The following ADGRB3 variants were observed in gnomAD, a reference collection of about 807,000 sequenced individuals.
ADGRB3 encodes adhesion G protein-coupled receptor B3.
Under a neutral mutation model 193.4 loss-of-function variants are expected in ADGRB3, and 37 were observed. The observed-to-expected ratio is 0.19, with a 90% CI of 0.15 to 0.25. The LOEUF is 0.25. Among genes scored for constraint, ADGRB3 ranks in the 10% least tolerant of loss-of-function variants. ADGRB3 has a pLI of 1.00. For missense variants in ADGRB3, 1,637 were observed against 1,852.9 expected, an observed-to-expected ratio of 0.88 and a Z score of 2.14; for synonymous variants, 690 against 644.2, an observed-to-expected ratio of 1.07 and a Z score of -1.08.
At chr6:69,067,277 G>A (rs1179251950) in intron 16 of ADGRB3, among the ~76,000 whole-genome samples, 3 of 152,074 alleles carry the variant, frequency 2.0e-5, no homozygotes, top group African/African-American at 7.2e-5. Flanking sequence ...GAAAATTTGG[G>A]CTTGTAGGTT....
At chr6:69,344,926 G>T (rs1261773173) in intron 26 of ADGRB3, among the ~76,000 whole-genome samples, 1 of 152,024 alleles carries the variant, frequency 6.6e-6, no homozygotes, top group Non-Finnish European at 1.5e-5. Flanking sequence ...CAGAGAGTTT[G>T]ATTCTTCTCT....
intron 17 of ADGRB3, among the ~76,000 whole-genome samples, chr6:69,182,864 A>C (rs912477088): frequency 2.6e-5 from 4 of 152,022 alleles, no homozygotes; most frequent in African/African-American, 9.7e-5. Flanking sequence ...AACTGGGGAG[A>C]GATATATGCA....
chr6:69,244,501 G>A (rs1025369109), intron 20 of ADGRB3, among the ~76,000 whole-genome samples: 5 of 152,022 alleles, frequency 3.3e-5, no homozygotes, highest in African/African-American at 7.2e-5. Context: ...GTACATGCCT[G>A]ACCTCTAAAT....
At chr6:68,779,781 A>G (rs1284761262) in intron 3 of ADGRB3, among the ~76,000 whole-genome samples, 2 of 152,094 alleles carry the variant, frequency 1.3e-5, no homozygotes, top group South Asian at 2.1e-4. Flanking sequence ...GCTCCTGACA[A>G]TGTTTTACAT....
chr6:68,813,174 G>A (rs118114184), intron 3 of ADGRB3, among the ~76,000 whole-genome samples: 3,008 of 152,098 alleles, frequency 0.02, 36 homozygotes, highest in Middle Eastern at 0.048. Flanking sequence ...GTTTATCAGC[G>A]GTTTCCACTT....
intron 3 of ADGRB3, among the ~76,000 whole-genome samples, chr6:68,795,383 G>T (rs149028805): frequency 3.3e-5 from 5 of 152,060 alleles, no homozygotes; most frequent in Non-Finnish European, 5.9e-5. Context: ...TTATAGAAAA[G>T]CACAGAAATC....
intron 8 of ADGRB3, among the ~76,000 whole-genome samples, chr6:68,974,224 C>A (rs1015537855): frequency 2.0e-5 from 3 of 151,976 alleles, no homozygotes; most frequent in African/African-American, 7.3e-5. Context: ...ATCCAAATGA[C>A]CTCTATAAAT....
At chr6:68,639,570 T>A in intron 3 of ADGRB3, 138 bp downstream of exon 3, 1 of 1,221,342 alleles carries the variant, frequency 8.2e-7, no homozygotes, top group South Asian at 1.7e-5. Flanking sequence ...TGCTATTCAC[T>A]GATAAAGGTC....
rs1413216206 is a variant in ADGRB3, at chr6:68,964,181, T to G, written c.1525+7372T>G. ...TTGTAGTTATAAATTGTGGTATGAT[T>G]CATCTTTCTTTGGAAATAAGTAATT... On this transcript the variant is annotated intron_variant, in intron 8 of 31. Transcript: ENST00000370598. 2.0e-5 allele frequency among the ~76,000 whole-genome samples: 3 copies of G among 152,194 alleles called. No individual in the cohort carries two copies. The South Asian group carries it at 6.2e-4, about 31-fold the overall frequency.
At position 68,975,317 on chromosome 6, in the gene ADGRB3, G is replaced by A. The variant is rs1220441226; in HGVS notation, c.1711G>A (p.Glu571Lys). 3.7e-6 allele frequency: 6 copies of A among 1,613,702 alleles called. No individual in the cohort carries two copies. The South Asian group carries it at 4.4e-5, about 12-fold the overall frequency. The change falls in exon 10 of 32, where the codon GAG becomes AAG. Residue 571 changes from glutamate to lysine, a missense_variant. This residue lies in a region of ADGRB3 where 641 missense variants were observed against 673.9 expected (regional missense o/e 0.95). Transcript: ENST00000370598. ...QPSFARCISN[E>K]YRHLQHSIKE... ...GAGCTTTGCAAGATGCATATCAAAT[G>A]AGTACAGACACTTGCAGCATTCAGT...
At chr6:69,192,390 C>T (rs1765209213) in intron 17 of ADGRB3, among the ~76,000 whole-genome samples, 1 of 152,212 alleles carries the variant, frequency 6.6e-6, no homozygotes, top group Non-Finnish European at 1.5e-5. Context: ...TCTGGCCACA[C>T]TGGCAGCTGA....
intron 20 of ADGRB3, among the ~76,000 whole-genome samples, chr6:69,252,942 A>G (rs1398896156): frequency 1.3e-5 from 2 of 151,968 alleles, no homozygotes; most frequent in Non-Finnish European, 2.9e-5. Flanking sequence ...ATGTAGATCT[A>G]TGTCTCGAAC....
At position 68,920,512 on chromosome 6, in the gene ADGRB3, C is replaced by CA. The variant is rs5877180; in HGVS notation, c.758-10022dup. On this transcript the variant is annotated intron_variant, in intron 3 of 31. Transcript: ENST00000370598. ...AGCCTCGGCGACAGAGACTCTGTAT[C>CA]AAAAAAAAAAAAAAAAAAAAAAAAA... Among the ~76,000 whole-genome samples, 272 of 68,862 alleles carry CA rather than the reference C, an allele frequency of 3.9e-3. 5 individuals are homozygous for CA. The highest frequency in any genetic ancestry group is 0.014 in the East Asian group (29 of 2,036). The allele number at this position is 68,862 out of a possible 152,430, so 45.2% of individuals were successfully genotyped here. A position where few individuals can be genotyped will look rare whatever the true frequency, so the allele number is the denominator to read the frequency against.
rs533822987 is a variant in ADGRB3, at chr6:69,251,030, A to G, written c.2814+11804A>G. Reference sequence around the variant, plus strand: ...TATATTTCTGTCACACTGGCCACCCATTAGAAATGTTGTAGGGGTCAATAA... The same window carrying G: ...TATATTTCTGTCACACTGGCCACCCGTTAGAAATGTTGTAGGGGTCAATAA... On this transcript the variant is annotated intron_variant, in intron 20 of 31. Coordinates refer to ENST00000370598, the MANE Select transcript of ADGRB3 (RefSeq NM_001704.3). 2.0e-5 allele frequency among the ~76,000 whole-genome samples: 3 copies of G among 152,262 alleles called. No homozygotes were observed. In the East Asian group the frequency reaches 5.8e-4, roughly 29 times the overall value.
chr6:68,911,547 A>G (rs538593272), intron 3 of ADGRB3, among the ~76,000 whole-genome samples: 3 of 152,310 alleles, frequency 2.0e-5, no homozygotes, highest in East Asian at 3.9e-4. Context: ...CCCTCTGTCT[A>G]TATAGGAGGC....
intron 3 of ADGRB3, among the ~76,000 whole-genome samples, chr6:68,829,377 C>T (rs1000110200): frequency 1.3e-5 from 2 of 152,028 alleles, no homozygotes; most frequent in South Asian, 2.1e-4. Context: ...GTTGGGAATA[C>T]AAGCATGAGC....
chr6:69,246,721 G>A (rs1447097806), intron 20 of ADGRB3, among the ~76,000 whole-genome samples: 1 of 152,196 alleles, frequency 6.6e-6, no homozygotes, highest in Non-Finnish European at 1.5e-5. Context: ...CTTGACAATA[G>A]GATTACTGAA....
intron 17 of ADGRB3, among the ~76,000 whole-genome samples, chr6:69,130,473 C>T (rs749197985): frequency 1.3e-5 from 2 of 150,732 alleles, no homozygotes; most frequent in Non-Finnish European, 3.0e-5. Flanking sequence ...CACTAGTATT[C>T]TTCCAAGAAA....
At chr6:69,174,403 A>G (rs1775368949) in intron 17 of ADGRB3, among the ~76,000 whole-genome samples, 1 of 152,206 alleles carries the variant, frequency 6.6e-6, no homozygotes, top group South Asian at 2.1e-4. Context: ...GCCTTCAGCT[A>G]CATTCACGTT....
Sources: gnomAD v4.1 joint callset for allele counts (sites outside exome capture counted in the v4.1 genomes callset) on GRCh38, gnomAD v4.1.1 for gene constraint, gnomAD v4.1.1 regional missense constraint, MANE v1.5 for transcripts, NCBI Gene and HGNC (gene_info 2026-07-23, HGNC 2026-07-21) for gene names.